The following SPOCK3 variants were observed in gnomAD, a reference collection of about 807,000 sequenced individuals.
SPOCK3 encodes the protein SPARC (osteonectin), cwcv and kazal like domains proteoglycan 3, also known as testican-3.
Under a neutral mutation model 56.6 loss-of-function variants are expected in SPOCK3, and 30 were observed. The observed-to-expected ratio is 0.53, with a 90% confidence interval of 0.40 to 0.72. The LOEUF is 0.72. Among genes scored for constraint, SPOCK3 ranks in the 30% least tolerant of loss-of-function variants. The pLI is 0.00. For missense variants in SPOCK3, 527 were observed against 530.0 expected, an observed-to-expected ratio of 0.99 and a Z score of 0.06; for synonymous variants, 196 against 183.3, an observed-to-expected ratio of 1.07 and a Z score of -0.56.
At chr4:167,137,269 A>C (rs898597707) in intron 2 of SPOCK3, among the ~76,000 whole-genome samples, 28 of 151,988 alleles carry the variant, frequency 1.8e-4, no homozygotes, top group African/African-American at 6.5e-4. Flanking sequence ...CAGTGAAAAC[A>C]AAAATCATAA....
chr4:167,070,383 C>T (rs1248459034), intron 2 of SPOCK3, among the ~76,000 whole-genome samples: 1 of 151,786 alleles, frequency 6.6e-6, no homozygotes, highest in Non-Finnish European at 1.5e-5. Context: ...TGCTATTGTT[C>T]CACTTATTGA....
intron 6 of SPOCK3, among the ~76,000 whole-genome samples, chr4:166,842,729 A>C (rs1363074292): frequency 6.6e-6 from 1 of 152,332 alleles, no homozygotes; most frequent in Non-Finnish European, 1.5e-5. Flanking sequence ...GGCTAGACAT[A>C]AAAGTTCTTC....
intron 2 of SPOCK3, among the ~76,000 whole-genome samples, chr4:167,224,329 G>T (rs1454768923): frequency 6.6e-6 from 1 of 152,062 alleles, no homozygotes; most frequent in African/African-American, 2.4e-5. Context: ...GTATGGAAAA[G>T]TTAAAATAGA....
At chr4:167,196,757 G>A (rs917686623) in intron 2 of SPOCK3, among the ~76,000 whole-genome samples, 1 of 151,730 alleles carries the variant, frequency 6.6e-6, no homozygotes, top group East Asian at 1.9e-4. Context: ...ATATTATCAG[G>A]GTCCACTCTT....
chr4:166,798,726 C>T (rs1742232913), intron 6 of SPOCK3, among the ~76,000 whole-genome samples: 1 of 152,094 alleles, frequency 6.6e-6, no homozygotes, highest in South Asian at 2.1e-4. Context: ...CAGTACCCAA[C>T]TACAATGTGG....
chr4:167,130,946 T>C (rs947031676), intron 2 of SPOCK3, among the ~76,000 whole-genome samples: 1 of 152,194 alleles, frequency 6.6e-6, no homozygotes, highest in African/African-American at 2.4e-5. Context: ...GTCATTCATA[T>C]CTATTTTTGT....
chr4:166,909,766 T>C (rs926825432), intron 5 of SPOCK3, among the ~76,000 whole-genome samples: 2 of 152,166 alleles, frequency 1.3e-5, no homozygotes, highest in Non-Finnish European at 2.9e-5. Context: ...ATTGTTCAAA[T>C]GTGTTTAAAT....
At chr4:167,060,963 T>TAG (rs1755543711) in intron 3 of SPOCK3, among the ~76,000 whole-genome samples, 1 of 152,080 alleles carries the variant, frequency 6.6e-6, no homozygotes, top group East Asian at 1.9e-4. Flanking sequence ...ACATTCTTCA[T>TAG]AAACATTAGC....
At chr4:167,231,225 T>A (rs1489140911) in intron 2 of SPOCK3, among the ~76,000 whole-genome samples, 2 of 152,032 alleles carry the variant, frequency 1.3e-5, no homozygotes, top group African/African-American at 2.4e-5. Context: ...AAGATACTTT[T>A]AAAATGTATT....
chr4:167,024,943 CTG>C (rs958023657), intron 3 of SPOCK3, among the ~76,000 whole-genome samples: 1 of 151,906 alleles, frequency 6.6e-6, no homozygotes, highest in African/African-American at 2.4e-5. Flanking sequence ...GTGCTTGAAA[CTG>C]TGCTTATCTT....
At chr4:166,997,985 C>A (rs1748566452) in intron 4 of SPOCK3, among the ~76,000 whole-genome samples, 1 of 152,126 alleles carries the variant, frequency 6.6e-6, no homozygotes, top group Non-Finnish European at 1.5e-5. Context: ...CCAAAATACA[C>A]ACAATCCTCA....
intron 3 of SPOCK3, among the ~76,000 whole-genome samples, chr4:167,041,877 C>T (rs1402847531): frequency 6.6e-6 from 1 of 151,816 alleles, no homozygotes; most frequent in East Asian, 1.9e-4. Flanking sequence ...TAAATATATA[C>T]AATTTTATGT....
intron 3 of SPOCK3, among the ~76,000 whole-genome samples, chr4:167,002,854 T>C (rs1390139259): frequency 6.6e-6 from 1 of 152,194 alleles, no homozygotes; most frequent in Admixed American, 6.5e-5. Flanking sequence ...TGATGTCTAA[T>C]TACTAAAATC....
At chr4:167,075,257 T>C (rs1362624939) in intron 2 of SPOCK3, among the ~76,000 whole-genome samples, 1 of 151,818 alleles carries the variant, frequency 6.6e-6, no homozygotes, top group African/African-American at 2.4e-5. Flanking sequence ...AAAAAAGACA[T>C]GCAAAATACA....
chr4:167,217,354 T>A (rs1017763723), intron 2 of SPOCK3, among the ~76,000 whole-genome samples: 1 of 150,566 alleles, frequency 6.6e-6, no homozygotes, highest in Non-Finnish European at 1.5e-5. Context: ...CATGTACAGA[T>A]GTTTTTTTTT....
At chr4:167,026,431 ACT>A (rs770885633) in intron 3 of SPOCK3, among the ~76,000 whole-genome samples, 11 of 151,946 alleles carry the variant, frequency 7.2e-5, no homozygotes, top group Non-Finnish European at 1.2e-4. Context: ...GAAGAAAAAC[ACT>A]CTGCAATTTT....
chr4:166,735,645 A>T (rs1734143829), intron 10 of SPOCK3, among the ~76,000 whole-genome samples: 1 of 152,046 alleles, frequency 6.6e-6, no homozygotes, highest in Non-Finnish European at 1.5e-5. Context: ...ATGACTACAG[A>T]AGAATGATCA....
intron 4 of SPOCK3, among the ~76,000 whole-genome samples, chr4:166,948,267 C>A (rs1173602269): frequency 6.6e-6 from 1 of 152,296 alleles, no homozygotes; most frequent in South Asian, 2.1e-4. Flanking sequence ...TGTTGATGAA[C>A]ACCTAGATTG....
chr4:166,861,604 C>T (rs1731252165), intron 6 of SPOCK3, among the ~76,000 whole-genome samples: 1 of 152,016 alleles, frequency 6.6e-6, no homozygotes, highest in Admixed American at 6.6e-5. Flanking sequence ...CCCGATTGCC[C>T]TTCCTGTGCT....
Sources: allele counts gnomAD v4.1 joint callset (sites outside exome capture counted in the v4.1 genomes callset), GRCh38; gene constraint gnomAD v4.1.1; transcripts MANE v1.5; gene names NCBI Gene and HGNC (gene_info 2026-07-23, HGNC 2026-07-21).